The following LGSN variants were observed in gnomAD, a reference collection of about 807,000 sequenced individuals.
LGSN encodes lengsin.
Under a neutral mutation model 19.5 loss-of-function variants are expected in LGSN, and 21 were observed. The ratio of observed to expected loss-of-function variants is 1.07; its 90% CI spans 0.76 to 1.55. The LOEUF (loss-of-function observed/expected upper bound fraction) is 1.55, where lower values mean the gene tolerates loss of function less well. LGSN is among the 40% of genes most tolerant of loss of function. The pLI is 0.00. For missense variants in LGSN, 673 were observed against 608.5 expected, an observed-to-expected ratio of 1.11 and a Z score of -1.12; for synonymous variants, 257 against 215.6, an observed-to-expected ratio of 1.19 and a Z score of -1.68.
At chr6:63,489,650 G>A in the LGSN span, among the ~76,000 whole-genome samples, 158 of 152,240 alleles carry the variant, frequency 1.0e-3, 1 homozygote, top group African/African-American at 3.7e-3. Context: ...GATGGCTGGC[G>A]TAAGCCGCCA....
At chr6:63,446,203 T>TC in the LGSN span, among the ~76,000 whole-genome samples, 1 of 138,290 alleles carries the variant, frequency 7.2e-6, no homozygotes, top group Non-Finnish European at 1.5e-5. Flanking sequence ...TGAGCAGAGA[T>TC]CGGCCACTGC....
the LGSN span, among the ~76,000 whole-genome samples, chr6:63,556,184 T>C: frequency 3.3e-5 from 5 of 152,250 alleles, no homozygotes; most frequent in Middle Eastern, 3.4e-3. Context: ...CTGTGATTTA[T>C]TTATTTTGAG....
At chr6:63,292,830 A>T (rs1039673347) in intron 2 of LGSN, among the ~76,000 whole-genome samples, 10 of 152,210 alleles carry the variant, frequency 6.6e-5, no homozygotes, top group African/African-American at 1.9e-4. Flanking sequence ...CAGTGAGTTC[A>T]GTAAGTCTTT....
At chr6:63,313,069 G>A (rs1019372225) in intron 1 of LGSN, among the ~76,000 whole-genome samples, 4 of 152,046 alleles carry the variant, frequency 2.6e-5, no homozygotes, top group African/African-American at 4.8e-5. Context: ...ATTATTAAGG[G>A]AAAGAACAGG....
At chr6:63,348,681 C>T in the LGSN span, among the ~76,000 whole-genome samples, 1 of 150,204 alleles carries the variant, frequency 6.7e-6, no homozygotes, top group Admixed American at 6.6e-5. Context: ...AGTCATGGAG[C>T]ATTATTTAGT....
intron 1 of LGSN, among the ~76,000 whole-genome samples, chr6:63,315,298 G>A (rs1049863182): frequency 6.6e-6 from 1 of 152,142 alleles, no homozygotes; most frequent in Non-Finnish European, 1.5e-5. Flanking sequence ...AGCAAGACCT[G>A]ATGGTAACCC....
the LGSN span, among the ~76,000 whole-genome samples, chr6:63,499,750 G>A: frequency 6.6e-6 from 1 of 152,070 alleles, no homozygotes; most frequent in Non-Finnish European, 1.5e-5. Context: ...GCTCTATGCA[G>A]CCTGAACAAT....
chr6:63,384,315 T>C, the LGSN span, among the ~76,000 whole-genome samples: 1 of 152,184 alleles, frequency 6.6e-6, no homozygotes, highest in Admixed American at 6.5e-5. Flanking sequence ...CAAGGATTGG[T>C]TTAAGCATGA....
chr6:63,331,403 C>A, the LGSN span, among the ~76,000 whole-genome samples: 2 of 152,116 alleles, frequency 1.3e-5, no homozygotes, highest in African/African-American at 4.8e-5. Flanking sequence ...TGGGGCCAAG[C>A]CGTAGTGCAG....
chr6:63,459,775 G>A, the LGSN span, among the ~76,000 whole-genome samples: 21 of 152,168 alleles, frequency 1.4e-4, no homozygotes, highest in Middle Eastern at 0.01. Flanking sequence ...TTAGCCAGGC[G>A]TGGTTGTGGG....
At chr6:63,525,073 G>A in the LGSN span, among the ~76,000 whole-genome samples, 3 of 152,156 alleles carry the variant, frequency 2.0e-5, no homozygotes, top group Non-Finnish European at 4.4e-5. Context: ...TTTCTGAAAG[G>A]GTGTTTAGAA....
chr6:63,406,521 C>T, the LGSN span, among the ~76,000 whole-genome samples: 1 of 148,518 alleles, frequency 6.7e-6, no homozygotes, highest in African/African-American at 2.6e-5. Flanking sequence ...GGGACACATT[C>T]AAAGCAGTGT....
the LGSN span, among the ~76,000 whole-genome samples, chr6:63,550,695 G>A: frequency 6.6e-6 from 1 of 152,194 alleles, no homozygotes; most frequent in African/African-American, 2.4e-5. Context: ...CATGATCTCA[G>A]CTCACTGCAG....
chr6:63,502,947 G>T, the LGSN span, among the ~76,000 whole-genome samples: 3 of 152,232 alleles, frequency 2.0e-5, no homozygotes, highest in African/African-American at 7.2e-5. Context: ...AAGAATCTAT[G>T]AATTAATTAA....
chr6:63,301,130 A>G (rs569197546), intron 1 of LGSN, among the ~76,000 whole-genome samples: 4 of 152,260 alleles, frequency 2.6e-5, no homozygotes, highest in Admixed American at 2.6e-4. Context: ...ATCTCTACTA[A>G]AAATGCAAAA....
the LGSN span, among the ~76,000 whole-genome samples, chr6:63,569,028 C>T: frequency 1.3e-5 from 2 of 152,252 alleles, no homozygotes; most frequent in East Asian, 3.9e-4. Context: ...TGATATTACT[C>T]TTGCTATGTT....
the LGSN span, among the ~76,000 whole-genome samples, chr6:63,329,529 T>G: frequency 6.6e-6 from 1 of 152,244 alleles, no homozygotes; most frequent in African/African-American, 2.4e-5. Flanking sequence ...CCTTGAGCCT[T>G]CAAATGTTTA....
At chr6:63,537,190 G>T in the LGSN span, among the ~76,000 whole-genome samples, 2 of 152,102 alleles carry the variant, frequency 1.3e-5, no homozygotes, top group African/African-American at 4.8e-5. Flanking sequence ...AGAGGGTGGG[G>T]ACAGTAGAAG....
At chr6:63,408,413 A>G in the LGSN span, among the ~76,000 whole-genome samples, 4 of 146,868 alleles carry the variant, frequency 2.7e-5, no homozygotes, top group South Asian at 8.8e-4. Context: ...AAACCTGAGA[A>G]AAACAAGCAA....
Sources: gnomAD v4.1 joint callset for allele counts (sites outside exome capture counted in the v4.1 genomes callset) on GRCh38, gnomAD v4.1.1 for gene constraint, MANE v1.5 for transcripts, NCBI Gene and HGNC (gene_info 2026-07-23, HGNC 2026-07-21) for gene names.